Variants in MYH7 observed in about 807,000 individuals in gnomAD.
The protein encoded by MYH7 is myosin-7.
A neutral mutation model predicts 225.4 loss-of-function variants in MYH7; 129 were observed. The ratio of observed to expected loss-of-function variants is 0.57; its 90% CI spans 0.50 to 0.66. The LOEUF (loss-of-function observed/expected upper bound fraction) is 0.66, where lower values mean the gene tolerates loss of function less well. Ranked by LOEUF, MYH7 falls within the 30% of genes least tolerant of loss-of-function variation. MYH7 has a pLI of 0.00. For synonymous variants in MYH7, 971 were observed against 1,007.6 expected, an observed-to-expected ratio of 0.96 and a Z score of 0.69; for missense variants, 1,649 against 2,517.0, an observed-to-expected ratio of 0.66 and a Z score of 7.38.
At chr14:23,431,522 C>T (rs1415720293) in intron 8 of MYH7, 41 bp from the exon 9 acceptor site, 2 of 1,613,498 alleles carry the variant, frequency 1.2e-6, no homozygotes. Context: ...TGGGGGAAGG[C>T]TCATATCTGA....
Position 23,422,221 on chromosome 14 carries a change from G to C in MYH7, c.3204C>G (p.Asp1068Glu). Residue 1068 changes from aspartate (D) to glutamate (E), a missense_variant, in exon 25 of 40, where the codon GAC (aspartate) becomes GAG (glutamate). Transcript: ENST00000355349. ...CCAGCTGCTGCTTGTCATTCTCCAG[G>C]TCCATGATGCTCTCCTGGGTCAGCT... ...DLKLTQESIM[D>E]LENDKQQLDE... 6.2e-7 allele frequency: 1 copy of C among 1,613,746 alleles called. No individual in the cohort carries two copies. The highest frequency in any genetic ancestry group is 8.5e-7 in the Non-Finnish European group (1 of 1,180,012).
In MYH7 at chr14:23,415,653, C is replaced by T; in HGVS notation, c.5133G>A (p.Glu1711=). The T allele has an allele frequency of 1.2e-6, 2 of 1,613,952 alleles. No individual in the cohort carries two copies. The highest frequency in any genetic ancestry group is 1.3e-5 in the African/African-American group (1 of 75,072). Residue 1711 remains glutamate (E), a synonymous_variant, in exon 35 of 40, where the codon GAG becomes GAA. Transcript: ENST00000355349. The surrounding 1 kb of genome is among the most constrained non-coding windows in gnomAD (Gnocchi z 6.3). ...CCTGGGAATGCAGCAGCTGCACCCG[C>T]TCACTAGTCTCAATCAGCTCCTGCT... ...LAEQELIETS[E]RVQLLHSQNT...
chr14:23,413,819 C>T lies in MYH7; in HGVS notation c.5730G>A (p.Ala1910=), dbSNP rs776940948. Residue 1910 remains alanine, a synonymous_variant, in exon 39 of 40, where the codon GCG becomes GCA. Coordinates refer to ENST00000355349, the MANE Select transcript of MYH7 (RefSeq NM_000257.4). ...TGTTGACCTGGGACTCGGCGATGTC[C>T]GCCCGCTCCTCTGCCTCATCCAGCT... ...QHELDEAEER[A]DIAESQVNKL... 52 of 1,614,136 alleles carry T rather than the reference C, an allele frequency of 3.2e-5. No individual in the cohort carries two copies. The highest frequency in any genetic ancestry group is 1.6e-4 in the Middle Eastern group (1 of 6,080).
chr14:23,431,709 C>G (rs774497849), intron 7 of MYH7, 32 bp from the exon 8 acceptor site: 1 of 1,614,168 alleles, frequency 6.2e-7, no homozygotes, highest in Non-Finnish European at 8.5e-7. Context: ...CAGGTGAGAG[C>G]TCTTCTCCCT....
intron 1 of MYH7, 48 bp from the exon 2 acceptor site, chr14:23,434,297 A>G (rs2138688379): frequency 4.0e-6 from 4 of 990,628 alleles, no homozygotes; most frequent in Non-Finnish European, 4.8e-6. Context: ...GCCCAACCTG[A>G]CCAGTCCCAC....
At chr14:23,413,204 A>C (rs1048047968) in intron 39 of MYH7, among the ~76,000 whole-genome samples, 4 of 152,136 alleles carry the variant, frequency 2.6e-5, no homozygotes, top group Admixed American at 2.6e-4. Flanking sequence ...TTGGGGGGAA[A>C]CTGGGATATA....
chr14:23,418,008 G>T, intron 30 of MYH7: 1 of 972,892 alleles, frequency 1.0e-6, no homozygotes, highest in Non-Finnish European at 1.7e-6. Flanking sequence ...CAAACCTTTT[G>T]TTCGTCTTAT....
chr14:23,414,665 G>A (rs1892110311), intron 37 of MYH7, among the ~76,000 whole-genome samples: 1 of 152,166 alleles, frequency 6.6e-6, no homozygotes, highest in African/African-American at 2.4e-5. Flanking sequence ...TGGGATGGGT[G>A]TGTTTTTGGT....
In MYH7 at chr14:23,426,857, A is replaced by G; in HGVS notation, c.1964T>C (p.Leu655Pro). 6.2e-7 allele frequency: 1 copy of G among 1,614,152 alleles called. No individual in the cohort carries two copies. The highest frequency in any genetic ancestry group is 8.5e-7 in the Non-Finnish European group (1 of 1,180,004). Residue 655 changes from leucine (L) to proline (P), a missense_variant, in exon 18 of 40, where the codon CTG (leucine) becomes CCG (proline). Coordinates refer to ENST00000355349, the MANE Select transcript of MYH7 (RefSeq NM_000257.4). ...GCGCAAGTTGGTCATCAGCTTGTTC[A>G]GATTTTCCTGTGGCCAAAAATGCAA... is the stretch of plus-strand genomic sequence containing the variant. ...QTVSALHREN[L>P]NKLMTNLRST...
rs727503249 is a variant in MYH7, at chr14:23,419,588, G to C, written c.3748C>G (p.Arg1250Gly). ...TCATTCATCTGGTCTTCCAAGGTCC[G>C]GCACATCTTCTCCAGGTTAGCCTGA... The part of the protein sequence containing the change: ...KAKANLEKMC[R>G]TLEDQMNEHR... Residue 1250 changes from arginine (R) to glycine (G), a missense_variant, in exon 28 of 40, where the codon CGG becomes GGG. Physicochemically the swap from Arg to Gly is moderately radical, Grantham distance 125 (BLOSUM62 -2). Around this residue, in one of 12 missense-constraint regions of MYH7, gnomAD observed 687 missense variants for 913.8 expected, o/e 0.75. Coordinates refer to ENST00000355349, the MANE Select transcript of MYH7 (RefSeq NM_000257.4). The C allele has an allele frequency of 1.2e-6, 2 of 1,613,956 alleles. No homozygotes were observed. Among genetic ancestry groups the C allele is most frequent in the Non-Finnish European group, 1.7e-6 (2 of 1,180,014 alleles).
intron 4 of MYH7, 76 bp from the exon 5 acceptor site, chr14:23,432,871 T>A (rs1415691179): frequency 1.3e-6 from 2 of 1,588,438 alleles, no homozygotes; most frequent in Non-Finnish European, 1.7e-6. Context: ...TAGAGAAAGA[T>A]CCCAGGAGAG....
chr14:23,421,105 C>T (rs1892457626), intron 25 of MYH7, 57 bp from the exon 26 acceptor site: 1 of 1,301,940 alleles, frequency 7.7e-7, no homozygotes, highest in African/African-American at 1.5e-5. Context: ...CAGGAGGGTC[C>T]ACCAGTGGTT....
intron 26 of MYH7, 24 bp downstream of exon 26, chr14:23,420,934 C>T (rs767613779): frequency 3.1e-6 from 5 of 1,599,968 alleles, no homozygotes; most frequent in Non-Finnish European, 8.6e-7. Flanking sequence ...GACTCAGCAT[C>T]CCGCGTGGGT....
intron 39 of MYH7, 78 bp downstream of exon 39, chr14:23,413,681 G>A: frequency 1.3e-6 from 2 of 1,591,478 alleles, no homozygotes; most frequent in Non-Finnish European, 8.6e-7. Flanking sequence ...TGAAAAGGAA[G>A]CATCCCGGGT....
At position 23,415,989 on chromosome 14, in the gene MYH7, C is replaced by T. The variant is rs750487401; in HGVS notation, c.4953+15G>A. 3.7e-6 allele frequency: 6 copies of T among 1,614,014 alleles called. No individual in the cohort carries two copies. In the South Asian group the frequency reaches 4.4e-5, roughly 12 times the overall value. ...CGCCAGGCCACGTGGAGGCCAGTCCCCTCTGGGTGAGTACCTTCAACAAGC... is the reference window on the plus strand; with the variant it reads ...CGCCAGGCCACGTGGAGGCCAGTCCTCTCTGGGTGAGTACCTTCAACAAGC... On this transcript the variant is annotated intron_variant, in intron 34 of 39. Coordinates refer to ENST00000355349, the MANE Select transcript of MYH7 (RefSeq NM_000257.4). This position sits in a 1 kb window ranked among gnomAD's most constrained non-coding sequence, Gnocchi z 6.3.
At chr14:23,421,789 C>G in intron 25 of MYH7, 1 of 985,388 alleles carries the variant, frequency 1.0e-6, no homozygotes, top group Non-Finnish European at 1.2e-6. Context: ...GAGGGCATTT[C>G]TTGGTGCCCT....
chr14:23,425,891 C>A lies in MYH7; in HGVS notation c.2162+73G>T, dbSNP rs1163821782. 20 of 1,612,804 alleles carry A rather than the reference C, an allele frequency of 1.2e-5. No homozygotes were observed. The highest frequency in any genetic ancestry group is 1.7e-5 in the Non-Finnish European group (20 of 1,180,038). On this transcript the variant is annotated intron_variant, in intron 19 of 39. Coordinates refer to ENST00000355349, the MANE Select transcript of MYH7 (RefSeq NM_000257.4). This position sits in a 1 kb window ranked among gnomAD's most constrained non-coding sequence, Gnocchi z 4.6. ...TCTGCCCATAGAATTCCAGGGTCAC[C>A]TGCAGATCCCATTCCCATCAGGGCA...
At position 23,428,760 on chromosome 14, in the gene MYH7, G is replaced by A. The variant is rs1892800542; in HGVS notation, c.1408-90C>T. ...CCGTCCACTGTGCCTGAGCCCAGCAGGGCGTGGCTGGTCCCCTCCATGTCA... is the reference window on the plus strand; with the variant it reads ...CCGTCCACTGTGCCTGAGCCCAGCAAGGCGTGGCTGGTCCCCTCCATGTCA... On this transcript the variant is annotated intron_variant, in intron 14 of 39. Transcript: ENST00000355349. 3 of 1,600,452 alleles carry A rather than the reference G, an allele frequency of 1.9e-6. No individual in the cohort carries two copies. The South Asian group carries it at 3.3e-5, about 18-fold the overall frequency.
chr14:23,424,073 AC>A lies in MYH7; in HGVS notation c.2755del (p.Val919Ter), dbSNP rs1422050463. The A allele has an allele frequency of 6.2e-7, 1 of 1,613,938 alleles. No homozygotes were observed. The highest frequency in any genetic ancestry group is 8.5e-7 in the Non-Finnish European group (1 of 1,179,982). On this transcript the variant is annotated frameshift_variant, in exon 23 of 40. Transcript: ENST00000355349. LOFTEE classifies it high-confidence loss of function. ...CTCCAGCCTCTCGTTCATCTCCTTC[AC>A]CTTGGCCTCCAGCTGAATCTTGTTT... Reference protein sequence around the residue: ...IKNKIQLEAKVKEMNERLEDE... With the variant: ...IKNKIQLEAKXKEMNERLEDE...
Sources: allele counts gnomAD v4.1 joint callset (sites outside exome capture counted in the v4.1 genomes callset), GRCh38; gene constraint gnomAD v4.1.1; regional missense constraint gnomAD v4.1.1; non-coding constraint Gnocchi (gnomAD v3.1); transcripts MANE v1.5; gene names NCBI Gene and HGNC (gene_info 2026-07-23, HGNC 2026-07-21).